The following MAGI2 variants were observed in gnomAD, a reference collection of about 807,000 sequenced individuals.
The protein encoded by MAGI2 is membrane-associated guanylate kinase, WW and PDZ domain-containing protein 2.
In MAGI2, 35 loss-of-function variants were observed where a neutral mutation model predicts 133.3. That is an observed-to-expected ratio of 0.26 (90% CI 0.20 to 0.35). MAGI2 has a LOEUF of 0.35. MAGI2 is among the 10% of genes least tolerant of loss of function. The pLI is 1.00. For synonymous variants in MAGI2, 729 were observed against 710.6 expected, an observed-to-expected ratio of 1.03 and a Z score of -0.41; for missense variants, 1,636 against 1,863.4, an observed-to-expected ratio of 0.88 and a Z score of 2.25.
intron 21 of MAGI2, among the ~76,000 whole-genome samples, chr7:78,042,765 C>T (rs147945324): frequency 2.0e-5 from 3 of 152,322 alleles, no homozygotes; most frequent in Admixed American, 2.0e-4. Context: ...GCTCTGAAGG[C>T]CTCGGACTGG....
chr7:79,097,397 A>C (rs1817608540), intron 1 of MAGI2, among the ~76,000 whole-genome samples: 1 of 152,218 alleles, frequency 6.6e-6, no homozygotes, highest in South Asian at 2.1e-4. Flanking sequence ...TGAAACCAAC[A>C]GAGCTGGTGC....
chr7:79,282,976 G>C (rs767462294), intron 1 of MAGI2, among the ~76,000 whole-genome samples: 18 of 152,200 alleles, frequency 1.2e-4, no homozygotes, highest in Non-Finnish European at 2.2e-4. Flanking sequence ...ACTCTAAGAG[G>C]CATATGCTTG....
chr7:79,349,462 T>TTAATAATAATAATAA (rs150162426), intron 1 of MAGI2, among the ~76,000 whole-genome samples: 79 of 151,460 alleles, frequency 5.2e-4, no homozygotes, highest in African/African-American at 1.4e-3. Context: ...ATTCTTTTAG[T>TTAATAATAATAATAA]TAATAATAAT....
chr7:78,743,373 G>T (rs926570846), intron 2 of MAGI2, among the ~76,000 whole-genome samples: 1 of 152,160 alleles, frequency 6.6e-6, no homozygotes, highest in African/African-American at 2.4e-5. Flanking sequence ...ATGAGACAAT[G>T]AATCGTACAA....
intron 10 of MAGI2, chr7:78,252,504 G>A (rs1337451610): frequency 1.3e-5 from 2 of 150,358 alleles, no homozygotes; most frequent in African/African-American, 4.9e-5. Context: ...TTAATTCACA[G>A]TATACACAAA....
At chr7:78,528,837 T>C (rs1797197854) in intron 3 of MAGI2, among the ~76,000 whole-genome samples, 1 of 152,202 alleles carries the variant, frequency 6.6e-6, no homozygotes, top group Non-Finnish European at 1.5e-5. Context: ...AAAGCATTAA[T>C]CTTACATGTG....
chr7:78,970,710 T>A (rs1421877950), intron 2 of MAGI2, among the ~76,000 whole-genome samples: 1 of 152,118 alleles, frequency 6.6e-6, no homozygotes, highest in Non-Finnish European at 1.5e-5. Context: ...ATATTGTGAC[T>A]GTGGGTCTGC....
At chr7:79,102,554 T>C (rs1161745249) in intron 1 of MAGI2, among the ~76,000 whole-genome samples, 4 of 152,212 alleles carry the variant, frequency 2.6e-5, no homozygotes, top group Non-Finnish European at 5.9e-5. Flanking sequence ...ATTAAAATCA[T>C]GTTAAATTTA....
intron 1 of MAGI2, among the ~76,000 whole-genome samples, chr7:79,162,764 G>C (rs1340625504): frequency 6.6e-6 from 1 of 152,022 alleles, no homozygotes; most frequent in African/African-American, 2.4e-5. Context: ...TTCTTTTGCA[G>C]AACAATGCTT....
At chr7:78,607,493 A>G (rs927656534) in intron 3 of MAGI2, among the ~76,000 whole-genome samples, 3 of 81,376 alleles carry the variant, frequency 3.7e-5, no homozygotes, top group African/African-American at 1.4e-4. Flanking sequence ...GAAAGAAGTC[A>G]AACTTAAAAA....
intron 2 of MAGI2, among the ~76,000 whole-genome samples, chr7:78,652,203 T>G (rs1377804584): frequency 6.6e-6 from 1 of 152,210 alleles, no homozygotes; most frequent in African/African-American, 2.4e-5. Flanking sequence ...TGAATTTCCG[T>G]TATAGATCTC....
intron 10 of MAGI2, among the ~76,000 whole-genome samples, chr7:78,220,755 C>T (rs749528614): frequency 3.3e-5 from 5 of 152,028 alleles, no homozygotes; most frequent in African/African-American, 4.8e-5. Context: ...GAGGTGGAAG[C>T]GGAGCAATTT....
At chr7:78,655,454 C>CAAAAAAAAAAAAAAAAAA in intron 2 of MAGI2, among the ~76,000 whole-genome samples, 3 of 64,950 alleles carry the variant, frequency 4.6e-5, no homozygotes, top group South Asian at 6.6e-4. Flanking sequence ...AAAAAACAAC[C>CAAAAAAAAAAAAAAAAAA]AAAAAAAAAA....
At position 78,521,537 on chromosome 7, in the gene MAGI2, T is replaced by G; in HGVS notation, c.647A>C (p.Lys216Thr). The change falls in exon 4 of 22, where the codon AAG becomes ACG. Residue 216 changes from lysine to threonine, a missense_variant. Lys to Thr is a moderately conservative substitution (Grantham distance 78). Coordinates refer to ENST00000354212, the MANE Select transcript of MAGI2 (RefSeq NM_012301.4). ...CATGTTGCTCACTGATTTATTCCTC[T>G]TCCGTTTTCCTTCAGCACTTGGAGT... ...GATPSAEGKR[K>T]RNKSVSNMEK... is the part of the protein sequence containing the mutation. 2.5e-6 allele frequency: 4 copies of G among 1,614,174 alleles called. No individual in the cohort carries two copies. The highest frequency in any genetic ancestry group is 3.4e-6 in the Non-Finnish European group (4 of 1,180,022).
At chr7:78,546,964 A>G (rs372706041) in intron 3 of MAGI2, among the ~76,000 whole-genome samples, 12 of 152,236 alleles carry the variant, frequency 7.9e-5, no homozygotes, top group African/African-American at 2.9e-4. Flanking sequence ...GACTTGAAGT[A>G]TTAACAAAGG....
chr7:79,157,303 C>T (rs1258816625), intron 1 of MAGI2, among the ~76,000 whole-genome samples: 2 of 151,990 alleles, frequency 1.3e-5, no homozygotes, highest in East Asian at 1.9e-4. Context: ...CACCTCACAA[C>T]ATGCAGTGGC....
chr7:79,115,304 A>G (rs527937670), intron 1 of MAGI2, among the ~76,000 whole-genome samples: 13 of 152,350 alleles, frequency 8.5e-5, no homozygotes, highest in South Asian at 2.1e-4. Flanking sequence ...GATAAACTCT[A>G]AAGTCATATT....
intron 5 of MAGI2, among the ~76,000 whole-genome samples, chr7:78,492,411 C>T (rs1023702431): frequency 1.3e-5 from 2 of 152,068 alleles, no homozygotes; most frequent in East Asian, 3.9e-4. Context: ...CATGAAGATC[C>T]AGCACAGTAT....
At chr7:79,419,612 A>G (rs1846792374) in intron 1 of MAGI2, among the ~76,000 whole-genome samples, 1 of 152,020 alleles carries the variant, frequency 6.6e-6, no homozygotes, top group African/African-American at 2.4e-5. Flanking sequence ...TTGTTTATGC[A>G]TCTATGATTT....
Sources: allele counts gnomAD v4.1 joint callset (sites outside exome capture counted in the v4.1 genomes callset), GRCh38; gene constraint gnomAD v4.1.1; transcripts MANE v1.5; gene names NCBI Gene and HGNC (gene_info 2026-07-23, HGNC 2026-07-21).